Variants in FN1 observed in about 807,000 individuals in gnomAD.
FN1 encodes fibronectin 1, also known as fibronectin.
Under a neutral mutation model 297.3 loss-of-function variants are expected in FN1, and 106 were observed. The observed-to-expected ratio is 0.36, with a 90% CI of 0.30 to 0.42. The LOEUF is 0.42. FN1 is among the 10% of genes least tolerant of loss of function. FN1 has a pLI of 1.00. For missense variants in FN1, 2,690 were observed against 3,124.9 expected, an observed-to-expected ratio of 0.86 and a Z score of 3.32; for synonymous variants, 1,149 against 1,152.6, an observed-to-expected ratio of 1.00 and a Z score of 0.06.
chr2:215,391,825 A>G lies in FN1; in HGVS notation c.4070-11T>C, dbSNP rs768537622. 33 of 1,613,382 alleles carry G rather than the reference A, an allele frequency of 2.0e-5. No individual in the cohort carries two copies. The highest frequency in any genetic ancestry group is 2.7e-5 in the Non-Finnish European group (32 of 1,179,428). The stretch of plus-strand genomic sequence containing the variant: ...TGGGAGGAGGAACAGCTGGTTTCGA[A>G]CAAGAAGGAAGACTCAGTTAATGTA... On this transcript the variant is annotated splice_polypyrimidine_tract_variant and intron_variant, in intron 25 of 45. Transcript: ENST00000354785.
Position 215,384,434 on chromosome 2 carries a change from T to TA in FN1, c.4730-251dup, listed in dbSNP as rs1235893687. ...TCAGCTTTAAAATGTCACTGAGTAG[T>TA]AGAGTAGCATTAGAAGTGGGAGAAG... On this transcript the variant is annotated intron_variant, in intron 29 of 45. Transcript: ENST00000354785. 7.6e-6 allele frequency: 4 copies of TA among 523,702 alleles called. No individual in the cohort carries two copies. The Admixed American group carries it at 9.5e-5, about 12-fold the overall frequency. 32.4% of individuals were successfully genotyped at this position (523,702 alleles called of 1,614,324 possible). A position where few individuals can be genotyped will look rare whatever the true frequency, so the allele number is the denominator to read the frequency against.
At chr2:215,419,214 C>A in intron 12 of FN1, 28 bp downstream of exon 12, 1 of 1,611,406 alleles carries the variant, frequency 6.2e-7, no homozygotes, top group Non-Finnish European at 8.5e-7. Flanking sequence ...ATTGGCAGTT[C>A]TCAACTTGCA....
At chr2:215,413,222 T>C (rs561203139) in intron 13 of FN1, among the ~76,000 whole-genome samples, 2 of 152,216 alleles carry the variant, frequency 1.3e-5, no homozygotes, top group East Asian at 3.9e-4. Context: ...TGGGTTCAAG[T>C]GATTCTCCTA....
At chr2:215,362,693 G>T (rs1575152739) in intron 44 of FN1, 1 of 155,166 alleles carries the variant, frequency 6.4e-6, no homozygotes, top group African/African-American at 2.4e-5. Flanking sequence ...CATGGGAGAT[G>T]GAAACGGGAC....
At chr2:215,390,989 A>C (rs1342797123) in intron 26 of FN1, among the ~76,000 whole-genome samples, 2 of 152,208 alleles carry the variant, frequency 1.3e-5, no homozygotes, top group African/African-American at 4.8e-5. Context: ...CTACTGTTTT[A>C]TTCTTTAACA....
At chr2:215,393,272 A>G (rs2059925287) in intron 24 of FN1, 69 bp from the exon 25 acceptor site, 1 of 1,512,164 alleles carries the variant, frequency 6.6e-7, no homozygotes, top group Admixed American at 1.7e-5. Context: ...AGGAAAAAAT[A>G]AAGCAGTGTA....
chr2:215,429,859 C>G (rs1190962055), intron 5 of FN1, among the ~76,000 whole-genome samples: 1 of 152,130 alleles, frequency 6.6e-6, no homozygotes, highest in African/African-American at 2.4e-5. Flanking sequence ...TTAAAGAGTT[C>G]TAAATAACAG....
intron 34 of FN1, among the ~76,000 whole-genome samples, chr2:215,378,571 G>A (rs955734140): frequency 1.3e-5 from 2 of 152,112 alleles, no homozygotes; most frequent in African/African-American, 4.8e-5. Context: ...TCTGACAGGT[G>A]TAAATCATAA....
intron 11 of FN1, 40 bp downstream of exon 11, chr2:215,420,633 C>A: frequency 6.2e-7 from 1 of 1,612,250 alleles, no homozygotes; most frequent in South Asian, 1.1e-5. Flanking sequence ...GCTAACCATT[C>A]CCCCTGTGCA....
Position 215,399,280 on chromosome 2 carries a change from G to T in FN1, c.3325C>A (p.Pro1109Thr). Residue 1109 changes from proline (P) to threonine (T), a missense_variant, in exon 21 of 46, where the codon CCT (proline) becomes ACT (threonine). Around this residue, in one of 3 missense-constraint regions of FN1, gnomAD observed 1,743 missense variants for 1,945.2 expected, o/e 0.90. Transcript: ENST00000354785. Reference protein sequence around the residue: ...TETTIVITWTPAPRIGFKLGV... With the variant: ...TETTIVITWTTAPRIGFKLGV... ...ACCTTAAAACCAATTCTTGGAGCAG[G>T]CGTCCATGTGATCACAATGGTGGTC... The T allele has an allele frequency of 6.2e-7, 1 of 1,613,526 alleles. No individual in the cohort carries two copies. The highest frequency in any genetic ancestry group is 8.5e-7 in the Non-Finnish European group (1 of 1,179,444).
At chr2:215,402,201 C>T (rs2061252639) in intron 20 of FN1, among the ~76,000 whole-genome samples, 2 of 152,066 alleles carry the variant, frequency 1.3e-5, no homozygotes, top group South Asian at 4.2e-4. Flanking sequence ...ATTGCTTGAG[C>T]CAGCCACCTA....
rs769169872 is a variant in FN1 at position 215,430,729 on chromosome 2, G to C, written c.671C>G (p.Thr224Ser). Reference protein sequence around the residue: ...TCLGEGSGRITCTSRNRCNDQ... With the variant: ...TCLGEGSGRISCTSRNRCNDQ... ...GTAAAACATACTTCTAGAAGTGCAA[G>C]TGATGCGTCCGCTGCCTTCTCCCAG... Residue 224 changes from threonine to serine, a missense_variant, in exon 5 of 46, where the codon ACT (threonine) becomes AGT (serine). Physicochemically the swap from Thr to Ser is moderately conservative, Grantham distance 58. This residue lies in a region of FN1 where 876 missense variants were observed against 1,058.1 expected (regional missense o/e 0.83). Transcript: ENST00000354785. 14 of 1,613,976 alleles carry C rather than the reference G, an allele frequency of 8.7e-6. No homozygotes were observed. The highest frequency in any genetic ancestry group is 5.0e-5 in the Admixed American group (3 of 59,990).
intron 1 of FN1, 84 bp downstream of exon 1, chr2:215,435,571 C>T: frequency 6.3e-7 from 1 of 1,579,096 alleles, no homozygotes; most frequent in Non-Finnish European, 8.6e-7. Context: ...CACACGCGCG[C>T]GCACAAAACT....
rs2054975688 is a variant in FN1 at position 215,367,954 on chromosome 2, T to C, written c.6927A>G (p.Gly2309=). Residue 2309 remains glycine (G), a synonymous_variant, in exon 42 of 46, where the codon GGA becomes GGG. Coordinates refer to ENST00000354785, the MANE Select transcript of FN1 (RefSeq NM_212482.4). ...ATTCAGACATTCGTTCCCACTCATC[T>C]CCAACGGCATAATGGGAAACTGTGT... ...DPYTVSHYAV[G]DEWERMSESG... The C allele has an allele frequency of 6.2e-7, 1 of 1,614,132 alleles. No homozygotes were observed. Among genetic ancestry groups the C allele is most frequent in the Non-Finnish European group, 8.5e-7 (1 of 1,179,974 alleles).
In FN1 at chr2:215,382,231, C is replaced by G; in HGVS notation, c.5145G>C (p.Leu1715=). 6.2e-7 allele frequency: 1 copy of G among 1,613,202 alleles called. No individual in the cohort carries two copies. Among genetic ancestry groups the G allele is most frequent in the Non-Finnish European group, 8.5e-7 (1 of 1,179,172 alleles). ...AQNPSGESQP[L]VQTAVTNIDR... ...ACGTACTGGTTACTGCAGTCTGAAC[C>G]AGAGGCTGACTCTCTCCGCTTGGAT... Residue 1715 remains leucine, a synonymous_variant, in exon 32 of 46, where the codon CTG becomes CTC. Coordinates refer to ENST00000354785, the MANE Select transcript of FN1 (RefSeq NM_212482.4).
intron 9 of FN1, 61 bp downstream of exon 9, chr2:215,423,289 C>T (rs578076925): frequency 2.2e-5 from 34 of 1,560,176 alleles, no homozygotes; most frequent in Non-Finnish European, 2.8e-5. Flanking sequence ...GGACACTAGT[C>T]TTTAGTCTCT....
At chr2:215,413,806 C>A (rs1193538112) in intron 13 of FN1, among the ~76,000 whole-genome samples, 3 of 152,146 alleles carry the variant, frequency 2.0e-5, no homozygotes, top group African/African-American at 7.2e-5. Context: ...TATTATTTTG[C>A]CCTCATATTT....
intron 14 of FN1, 43 bp downstream of exon 14, chr2:215,409,891 G>C: frequency 6.2e-7 from 1 of 1,611,212 alleles, no homozygotes; most frequent in Non-Finnish European, 8.5e-7. Context: ...CCTAGCTCTA[G>C]GAACCTCGGG....
chr2:215,374,221 G>A (rs2056831867), intron 38 of FN1, among the ~76,000 whole-genome samples: 2 of 150,126 alleles, frequency 1.3e-5, no homozygotes, highest in African/African-American at 4.9e-5. Context: ...TGTGGGAAGT[G>A]TCTAGTTCAA....
Sources: gnomAD v4.1 joint callset for allele counts (sites outside exome capture counted in the v4.1 genomes callset) on GRCh38, gnomAD v4.1.1 for gene constraint, gnomAD v4.1.1 regional missense constraint, MANE v1.5 for transcripts, NCBI Gene and HGNC (gene_info 2026-07-23, HGNC 2026-07-21) for gene names.